Variants in CLPB observed in about 807,000 individuals in gnomAD.
CLPB encodes ClpB family mitochondrial disaggregase.
CLPB carries 40 observed loss-of-function variants against 78.4 expected under a neutral mutation model. The observed-to-expected ratio is 0.51, with a 90% CI of 0.40 to 0.66. The LOEUF (loss-of-function observed/expected upper bound fraction) is 0.66, where lower values mean the gene tolerates loss of function less well. CLPB is among the 30% of genes least tolerant of loss of function. The probability of loss-of-function intolerance (pLI) is 0.00; values close to 1 mark genes in which losing one functional copy is unlikely to be tolerated. For synonymous variants in CLPB, 333 were observed against 348.0 expected, an observed-to-expected ratio of 0.96 and a Z score of 0.48; for missense variants, 780 against 886.9, an observed-to-expected ratio of 0.88 and a Z score of 1.53.
intron 7 of CLPB, among the ~76,000 whole-genome samples, chr11:72,315,166 G>T (rs1207298949): frequency 1.3e-5 from 2 of 152,094 alleles, no homozygotes; most frequent in Admixed American, 6.5e-5. Context: ...GGCCAAGGAA[G>T]CATCTGAGTT....
rs775101394 is a variant in CLPB at position 72,359,027 on chromosome 11, A to G, written c.647-19T>C. ...ATCAGGACTGGGGAGACAGCAACAC[A>G]AACCCTTCCATTAGCAACGACAGCA... is the stretch of plus-strand genomic sequence containing the variant. On this transcript the variant is annotated intron_variant, in intron 4 of 15. Coordinates refer to ENST00000538039, the MANE Select transcript of CLPB (RefSeq NM_001258392.3). 3 of 1,612,738 alleles carry G rather than the reference A, an allele frequency of 1.9e-6. No homozygotes were observed. The highest frequency in any genetic ancestry group is 1.6e-4 in the Middle Eastern group (1 of 6,062).
At chr11:72,339,560 G>A (rs1950380889) in intron 5 of CLPB, among the ~76,000 whole-genome samples, 1 of 152,216 alleles carries the variant, frequency 6.6e-6, no homozygotes, top group Non-Finnish European at 1.5e-5. Flanking sequence ...AACCGCTTAG[G>A]AGGTTTCCTA....
chr11:72,308,028 G>A (rs1037309951), intron 8 of CLPB, among the ~76,000 whole-genome samples: 1 of 152,088 alleles, frequency 6.6e-6, no homozygotes, highest in Non-Finnish European at 1.5e-5. Flanking sequence ...AGAATGAAGG[G>A]GTAAGAATGC....
At chr11:72,302,131 T>A in intron 10 of CLPB, 167 bp from the exon 11 acceptor site, 1 of 974,652 alleles carries the variant, frequency 1.0e-6, no homozygotes, top group Non-Finnish European at 1.5e-6. Flanking sequence ...TCTATGTTTA[T>A]TCTTCAGAGC....
At chr11:72,318,563 G>T (rs1032282603) in intron 6 of CLPB, among the ~76,000 whole-genome samples, 3 of 152,188 alleles carry the variant, frequency 2.0e-5, no homozygotes, top group Non-Finnish European at 4.4e-5. Flanking sequence ...TCAAAGTCAG[G>T]CCCTGTCACA....
chr11:72,420,792 G>A (rs1373663998), intron 2 of CLPB, among the ~76,000 whole-genome samples: 1 of 152,200 alleles, frequency 6.6e-6, no homozygotes, highest in East Asian at 1.9e-4. Flanking sequence ...AGCATCTCCA[G>A]AAGTTTCTGG....
intron 3 of CLPB, among the ~76,000 whole-genome samples, chr11:72,391,902 T>G (rs1855264068): frequency 6.6e-6 from 1 of 152,194 alleles, no homozygotes; most frequent in Admixed American, 6.5e-5. Context: ...CTGACCTTGA[T>G]GAGCTCTTGC....
At chr11:72,302,484 A>G (rs1014988787) in intron 9 of CLPB, 136 bp from the exon 10 acceptor site, 9 of 767,204 alleles carry the variant, frequency 1.2e-5, no homozygotes, top group Non-Finnish European at 2.1e-5. Flanking sequence ...CACGCTCAAG[A>G]TGTTTTTTTC....
chr11:72,415,749 C>T (rs145895366), intron 2 of CLPB, among the ~76,000 whole-genome samples: 99 of 152,272 alleles, frequency 6.5e-4, no homozygotes, highest in Middle Eastern at 3.4e-3. Flanking sequence ...CTTAACAGAA[C>T]CTAGGAGTGT....
chr11:72,380,242 G>A, intron 4 of CLPB, 39 bp downstream of exon 4: 3 of 1,477,032 alleles, frequency 2.0e-6, no homozygotes, highest in Non-Finnish European at 2.8e-6. Context: ...AAAGCCACAA[G>A]AGGAGAGCTC....
chr11:72,433,955 C>T, intron 1 of CLPB, 117 bp downstream of exon 1: 3 of 1,264,702 alleles, frequency 2.4e-6, no homozygotes, highest in Non-Finnish European at 3.3e-6. Context: ...TGTCTGAGTC[C>T]CTCCAAGACT....
At chr11:72,346,004 C>T (rs1950506124) in intron 5 of CLPB, among the ~76,000 whole-genome samples, 1 of 152,012 alleles carries the variant, frequency 6.6e-6, no homozygotes, top group South Asian at 2.1e-4. Flanking sequence ...TTTGCAGCTA[C>T]CATTGTCACT....
At chr11:72,328,156 C>T (rs921264051) in intron 6 of CLPB, among the ~76,000 whole-genome samples, 2 of 152,160 alleles carry the variant, frequency 1.3e-5, no homozygotes, top group African/African-American at 4.8e-5. Context: ...GAGCATTTAA[C>T]TGCAGATGTA....
In CLPB at chr11:72,400,192, T is replaced by C. The variant is rs77327924; in HGVS notation, c.542+2774A>G. On this transcript the variant is annotated intron_variant, in intron 3 of 15. Transcript: ENST00000538039. ...TGTTTTTCATCAACATTATTTCAAG[T>C]ACATAGAACAGTACCTGGCAAACAG... 9.5e-3 allele frequency among the ~76,000 whole-genome samples: 1,444 copies of C among 152,204 alleles called. 22 individuals are homozygous for C. Among genetic ancestry groups the C allele is most frequent in the African/African-American group, 0.034 (1,391 of 41,516 alleles).
chr11:72,390,457 A>G (rs1385841954), intron 3 of CLPB, among the ~76,000 whole-genome samples: 1 of 151,782 alleles, frequency 6.6e-6, no homozygotes, highest in African/African-American at 2.4e-5. Context: ...GAAATAGAAA[A>G]AAAAAAAAAG....
At chr11:72,372,589 A>G (rs1367163758) in intron 4 of CLPB, among the ~76,000 whole-genome samples, 1 of 152,194 alleles carries the variant, frequency 6.6e-6, no homozygotes, top group Non-Finnish European at 1.5e-5. Context: ...TGTAGTCCAA[A>G]TCATGCTTCC....
intron 4 of CLPB, 43 bp from the exon 5 acceptor site, chr11:72,359,051 C>T (rs1950782840): frequency 6.2e-7 from 1 of 1,610,178 alleles, no homozygotes; most frequent in Non-Finnish European, 8.5e-7. Context: ...GCAACGACAG[C>T]ATGAGCCACC....
At chr11:72,423,394 C>G (rs1365347817) in intron 2 of CLPB, among the ~76,000 whole-genome samples, 1 of 152,178 alleles carries the variant, frequency 6.6e-6, no homozygotes, top group Admixed American at 6.5e-5. Context: ...CCTAATCAAC[C>G]ATATCCATTT....
chr11:72,342,172 A>G (rs1408035522), intron 5 of CLPB, among the ~76,000 whole-genome samples: 3 of 152,224 alleles, frequency 2.0e-5, no homozygotes, highest in Non-Finnish European at 4.4e-5. Context: ...TGAGGATGAG[A>G]GATGTCTACG....
Sources: gnomAD v4.1 joint callset for allele counts (sites outside exome capture counted in the v4.1 genomes callset) on GRCh38, gnomAD v4.1.1 for gene constraint, MANE v1.5 for transcripts, NCBI Gene and HGNC (gene_info 2026-07-23, HGNC 2026-07-21) for gene names.